The following PMP22 variants were observed in gnomAD, a reference collection of about 807,000 sequenced individuals.
PMP22 encodes the protein peripheral myelin protein 22.
In PMP22, 2 loss-of-function variants were observed where a neutral mutation model predicts 18.9. That is an observed-to-expected ratio of 0.11 (90% CI 0.04 to 0.33). The LOEUF is 0.33. Among genes scored for constraint, PMP22 ranks in the 10% least tolerant of loss-of-function variants. The pLI is 1.00. For missense variants in PMP22, 169 were observed against 202.2 expected, an observed-to-expected ratio of 0.84 and a Z score of 1.00; for synonymous variants, 95 against 89.2, an observed-to-expected ratio of 1.07 and a Z score of -0.37.
intron 3 of PMP22, among the ~76,000 whole-genome samples, chr17:15,241,633 C>T (rs1380173030): frequency 6.6e-6 from 1 of 152,116 alleles, no homozygotes. Context: ...TATGTTAAAT[C>T]TATATAAACA....
chr17:15,255,928 G>A (rs929986685), intron 3 of PMP22, among the ~76,000 whole-genome samples: 1 of 152,032 alleles, frequency 6.6e-6, no homozygotes. Context: ...CTGACTCTTC[G>A]ACCAGGCTCG....
At chr17:15,257,251 C>T (rs761616194) in intron 3 of PMP22, among the ~76,000 whole-genome samples, 17 of 152,220 alleles carry the variant, frequency 1.1e-4, no homozygotes, top group Non-Finnish European at 1.5e-4. Flanking sequence ...CTATTTCCAA[C>T]GGCAGAAGAC....
chr17:15,230,899 A>T lies in PMP22; in HGVS notation c.*18T>A. 6.2e-7 allele frequency: 1 copy of T among 1,613,410 alleles called. No individual in the cohort carries two copies. Among genetic ancestry groups the T allele is most frequent in the Non-Finnish European group, 8.5e-7 (1 of 1,179,802 alleles). On this transcript the variant is annotated 3_prime_UTR_variant, in exon 5 of 5. Transcript: ENST00000312280. ...TCCCTATGTACGCTCAGAGCCTCAGACAGACCGTCTGGGCGCCTCATTCGC... is the reference window on the plus strand; with the variant it reads ...TCCCTATGTACGCTCAGAGCCTCAGTCAGACCGTCTGGGCGCCTCATTCGC...
intron 3 of PMP22, among the ~76,000 whole-genome samples, chr17:15,244,708 A>AT (rs1907641277): frequency 1.3e-5 from 2 of 152,184 alleles, no homozygotes; most frequent in Non-Finnish European, 2.9e-5. Context: ...GAAAACAAAC[A>AT]CCAAAAAACT....
chr17:15,250,606 A>G (rs1223910272), intron 3 of PMP22, among the ~76,000 whole-genome samples: 1 of 152,156 alleles, frequency 6.6e-6, no homozygotes, highest in Non-Finnish European at 1.5e-5. Flanking sequence ...AGATTCAGTT[A>G]CACACCAGTT....
chr17:15,252,642 C>T (rs1253095160), intron 3 of PMP22, among the ~76,000 whole-genome samples: 1 of 152,214 alleles, frequency 6.6e-6, no homozygotes. Context: ...TGGTGTTGAG[C>T]ACTGGCCTCC....
intron 3 of PMP22, among the ~76,000 whole-genome samples, chr17:15,253,669 C>A (rs1432894074): frequency 6.6e-6 from 1 of 152,114 alleles, no homozygotes; most frequent in Non-Finnish European, 1.5e-5. Context: ...ACTCTCTGTT[C>A]CCACTAGTCT....
intron 2 of PMP22, chr17:15,260,333 G>T: frequency 2.4e-6 from 1 of 408,428 alleles, no homozygotes; most frequent in East Asian, 4.8e-5. Context: ...CTTCAACGAG[G>T]CTGCATCAAG....
intron 3 of PMP22, among the ~76,000 whole-genome samples, chr17:15,246,520 G>T (rs1257382391): frequency 6.6e-6 from 1 of 152,204 alleles, no homozygotes; most frequent in Non-Finnish European, 1.5e-5. Flanking sequence ...GTTCTATTTA[G>T]ATCAAACCTA....
chr17:15,252,079 T>G (rs1201400655), intron 3 of PMP22, among the ~76,000 whole-genome samples: 1 of 152,120 alleles, frequency 6.6e-6, no homozygotes, highest in Non-Finnish European at 1.5e-5. Context: ...GTAGAGATTA[T>G]GGGTTGGCTG....
chr17:15,231,136 CT>C lies in PMP22; in HGVS notation c.320-57del. ...GGAGAGTCCATGGCAGAGCGGCCCC[CT>C]CTCCGCCACCCCGGATGCTGACAAT... On this transcript the variant is annotated intron_variant, in intron 4 of 4. Transcript: ENST00000312280. 4 of 1,548,304 alleles carry C rather than the reference CT, an allele frequency of 2.6e-6. No homozygotes were observed. In the Admixed American group the frequency reaches 6.7e-5, roughly 26 times the overall value.
chr17:15,249,718 A>G (rs1474081531), intron 3 of PMP22, among the ~76,000 whole-genome samples: 1 of 152,170 alleles, frequency 6.6e-6, no homozygotes, highest in Non-Finnish European at 1.5e-5. Context: ...AAAAACTGCA[A>G]TCGTCAACTG....
intron 3 of PMP22, among the ~76,000 whole-genome samples, chr17:15,257,287 A>G (rs1178956220): frequency 6.6e-6 from 1 of 152,228 alleles, no homozygotes; most frequent in Non-Finnish European, 1.5e-5. Context: ...GTAACATGCT[A>G]CAGGTCAATA....
In PMP22 at chr17:15,258,134, C is replaced by T. The variant is rs141377685; in HGVS notation, c.178+960G>A. On this transcript the variant is annotated intron_variant, in intron 3 of 4. Transcript: ENST00000312280. This position sits in a 1 kb window ranked among gnomAD's most constrained non-coding sequence, Gnocchi z 4.1. ...CTGGATCTATGAGTAGCTCCAGCAA[C>T]ATTTAAAGCTGTATTTCCGTGGCCT... Among the ~76,000 whole-genome samples, 1 of 152,306 alleles carries T rather than the reference C, an allele frequency of 6.6e-6. No homozygotes were observed. Among genetic ancestry groups the T allele is most frequent in the African/African-American group, 2.4e-5 (1 of 41,584 alleles).
chr17:15,231,965 C>T (rs879580785), intron 4 of PMP22, among the ~76,000 whole-genome samples: 5 of 152,270 alleles, frequency 3.3e-5, no homozygotes, highest in Middle Eastern at 3.4e-3. Flanking sequence ...CGTCCCCCCA[C>T]AAGGAGGGGT....
intron 1 of PMP22, among the ~76,000 whole-genome samples, chr17:15,263,416 G>A (rs1158426289): frequency 3.9e-5 from 6 of 152,130 alleles, no homozygotes; most frequent in African/African-American, 9.7e-5. Flanking sequence ...AACGTGGCCC[G>A]CCCAGCGTTA....
At chr17:15,248,711 G>C (rs1038836206) in intron 3 of PMP22, among the ~76,000 whole-genome samples, 1 of 152,164 alleles carries the variant, frequency 6.6e-6, no homozygotes, top group African/African-American at 2.4e-5. Flanking sequence ...AAAAGAAAAA[G>C]GAGGGGAGTG....
intron 3 of PMP22, among the ~76,000 whole-genome samples, chr17:15,243,780 TTA>T (rs1907553117): frequency 6.8e-6 from 1 of 147,990 alleles, no homozygotes; most frequent in African/African-American, 2.5e-5. Context: ...TATATTATAA[TTA>T]TATAACATAT....
At chr17:15,255,662 A>C (rs1197081652) in intron 3 of PMP22, among the ~76,000 whole-genome samples, 1 of 152,150 alleles carries the variant, frequency 6.6e-6, no homozygotes, top group Non-Finnish European at 1.5e-5. Context: ...TCCTAACCAG[A>C]ACACTAGCCA....
Sources: allele counts gnomAD v4.1 joint callset (sites outside exome capture counted in the v4.1 genomes callset), GRCh38; gene constraint gnomAD v4.1.1; non-coding constraint Gnocchi (gnomAD v3.1); transcripts MANE v1.5; gene names NCBI Gene and HGNC (gene_info 2026-07-23, HGNC 2026-07-21).